Variants in TRANK1 observed in about 807,000 individuals in gnomAD.
The protein encoded by TRANK1 is TPR and ankyrin repeat-containing protein 1.
Under a neutral mutation model 266.0 loss-of-function variants are expected in TRANK1, and 198 were observed. That is an observed-to-expected ratio of 0.74 (90% confidence interval 0.66 to 0.84). The LOEUF (loss-of-function observed/expected upper bound fraction) is 0.84. TRANK1 is among the 40% of genes least tolerant of loss of function. TRANK1 has a pLI of 0.00. For missense variants in TRANK1, 3,326 were observed against 3,634.6 expected, an observed-to-expected ratio of 0.92 and a Z score of 2.18; for synonymous variants, 1,396 against 1,384.1, an observed-to-expected ratio of 1.01 and a Z score of -0.19.
intron 15 of TRANK1, among the ~76,000 whole-genome samples, chr3:36,848,095 T>C (rs2078939278): frequency 6.6e-6 from 1 of 152,224 alleles, no homozygotes; most frequent in Non-Finnish European, 1.5e-5. Context: ...TTGTTATCAT[T>C]GCGGGTCACA....
intron 20 of TRANK1, 69 bp from the exon 21 acceptor site, chr3:36,834,976 C>T (rs1360463517): frequency 7.2e-7 from 1 of 1,397,194 alleles, no homozygotes; most frequent in Non-Finnish European, 9.6e-7. Context: ...AAACCAATAC[C>T]ACAAGTAATA....
chr3:36,941,459 G>A (rs532942141), intron 1 of TRANK1, among the ~76,000 whole-genome samples: 30 of 152,292 alleles, frequency 2.0e-4, no homozygotes, highest in South Asian at 2.1e-4. Context: ...TCAGGTAAAC[G>A]GAGTCCAGGG....
At chr3:36,853,861 A>G (rs1318947243) in intron 13 of TRANK1, among the ~76,000 whole-genome samples, 2 of 152,222 alleles carry the variant, frequency 1.3e-5, no homozygotes, top group East Asian at 3.8e-4. Context: ...GAGTGGGAAG[A>G]AGGACACAAT....
intron 15 of TRANK1, among the ~76,000 whole-genome samples, chr3:36,848,948 A>C (rs977873194): frequency 6.6e-6 from 1 of 152,210 alleles, no homozygotes; most frequent in Admixed American, 6.5e-5. Flanking sequence ...CTCAGATGGC[A>C]CATGAATGGC....
At chr3:36,871,209 G>T (rs2079304067) in intron 9 of TRANK1, among the ~76,000 whole-genome samples, 1 of 152,028 alleles carries the variant, frequency 6.6e-6, no homozygotes, top group Non-Finnish European at 1.5e-5. Flanking sequence ...CCAACACGCT[G>T]AAACCCCGTC....
intron 1 of TRANK1, among the ~76,000 whole-genome samples, chr3:36,916,721 C>T (rs1559472132): frequency 6.6e-6 from 1 of 152,030 alleles, no homozygotes; most frequent in Non-Finnish European, 1.5e-5. Flanking sequence ...AAGAAATGAA[C>T]TCCAAGGCTT....
At chr3:36,940,287 G>A (rs1356359422) in intron 1 of TRANK1, among the ~76,000 whole-genome samples, 4 of 151,376 alleles carry the variant, frequency 2.6e-5, no homozygotes, top group Non-Finnish European at 4.4e-5. Flanking sequence ...CACGAGGTCA[G>A]GAGATCGAGA....
intron 12 of TRANK1, among the ~76,000 whole-genome samples, chr3:36,858,434 C>G (rs1417834414): frequency 1.3e-5 from 2 of 152,144 alleles, no homozygotes; most frequent in Non-Finnish European, 2.9e-5. Context: ...ATACGCAGAC[C>G]CTTGAAAATG....
intron 1 of TRANK1, among the ~76,000 whole-genome samples, chr3:36,924,779 GA>G (rs1575323859): frequency 6.6e-6 from 1 of 152,158 alleles, no homozygotes; most frequent in Non-Finnish European, 1.5e-5. Flanking sequence ...CTGAATAAAT[GA>G]AAAAAAGTCC....
At chr3:36,866,914 CAT>C (rs1480620265) in intron 9 of TRANK1, among the ~76,000 whole-genome samples, 1 of 152,182 alleles carries the variant, frequency 6.6e-6, no homozygotes, top group African/African-American at 2.4e-5. Context: ...ACACCAGAAA[CAT>C]ACACACATCC....
In TRANK1 at chr3:36,858,058, C is replaced by G. The variant is rs370386380; in HGVS notation, c.1673-9G>C. 1.3e-5 allele frequency: 20 copies of G among 1,522,228 alleles called. No individual in the cohort carries two copies. The Middle Eastern group carries it at 5.2e-4, about 40-fold the overall frequency. The allele number at this position is 1,522,228 out of a possible 1,614,324, so 94.3% of individuals were successfully genotyped here. ...GCTAAAACCAATGTCAGCTGAAAGA[C>G]ACAAACAAAACCCTGTGAGCACTGA... On this transcript the variant is annotated splice_polypyrimidine_tract_variant and intron_variant, in intron 12 of 23. Transcript: ENST00000645898.
intron 5 of TRANK1, among the ~76,000 whole-genome samples, chr3:36,893,747 GC>G (rs1021618843): frequency 1.2e-4 from 18 of 152,092 alleles, no homozygotes; most frequent in Non-Finnish European, 1.9e-4. Context: ...AGAATTCCCG[GC>G]TCTGTTATGA....
intron 8 of TRANK1, among the ~76,000 whole-genome samples, chr3:36,883,281 C>T (rs939023394): frequency 6.6e-6 from 1 of 151,620 alleles, no homozygotes; most frequent in Non-Finnish European, 1.5e-5. Context: ...TCTCTACCAA[C>T]AACAACAGCA....
intron 3 of TRANK1, among the ~76,000 whole-genome samples, chr3:36,900,847 G>A (rs574246245): frequency 0.022 from 227 of 10,150 alleles, 1 homozygote; most frequent in African/African-American, 0.065. Flanking sequence ...GCAAGACCCT[G>A]TCTCAAAAAA....
At position 36,831,433 on chromosome 3, in the gene TRANK1, G is replaced by T; in HGVS notation, c.8150C>A (p.Ala2717Asp). 6.2e-7 allele frequency: 1 copy of T among 1,612,904 alleles called. No homozygotes were observed. The highest frequency in any genetic ancestry group is 8.5e-7 in the Non-Finnish European group (1 of 1,179,466). ...ATILSQKQRK[A>D]SIQRKLRRAC... ...CCTCCTCAACTTCCGCTGTATGGAG[G>T]CCTTCCGTTGCTTTTGGGAAAGAAT... The change falls in exon 22 of 24, where the codon GCC becomes GAC. Residue 2717 changes from alanine (A) to aspartate (D), a missense_variant. Physicochemically the swap from Ala to Asp is moderately radical, Grantham distance 126. Transcript: ENST00000645898. This position sits in a 1 kb window ranked among gnomAD's most constrained non-coding sequence, Gnocchi z 5.0.
In TRANK1 at chr3:36,828,248, G is replaced by A; in HGVS notation, c.*27C>T. 1.3e-6 allele frequency: 2 copies of A among 1,525,728 alleles called. No individual in the cohort carries two copies. The highest frequency in any genetic ancestry group is 1.2e-5 in the South Asian group (1 of 86,382). The allele number at this position is 1,525,728 out of a possible 1,614,324, so 94.5% of individuals were successfully genotyped here. On this transcript the variant is annotated 3_prime_UTR_variant, in exon 24 of 24. Transcript: ENST00000645898. ...TAAGTCAGAATGGAATGTTCCGAAG[G>A]ATGAGGAGGCTGCAGCTGTGTGGAC...
At chr3:36,878,145 A>G (rs1446868633) in intron 8 of TRANK1, among the ~76,000 whole-genome samples, 1 of 152,220 alleles carries the variant, frequency 6.6e-6, no homozygotes, top group Non-Finnish European at 1.5e-5. Context: ...TCAGATAAGC[A>G]GCAGCATTAG....
At chr3:36,906,342 G>A (rs1268171884) in intron 2 of TRANK1, among the ~76,000 whole-genome samples, 2 of 152,138 alleles carry the variant, frequency 1.3e-5, no homozygotes, top group African/African-American at 2.4e-5. Flanking sequence ...ACATCTGCTC[G>A]CTCTACTGCA....
chr3:36,944,816 G>T lies in TRANK1; in HGVS notation c.-7C>A. ...CTGCCCGCGGGTCCCACATGGCTGC[G>T]GCCGGAGGGTCCGCACCAGGACCGC... On this transcript the variant is annotated 5_prime_UTR_variant, in exon 1 of 24. Coordinates refer to ENST00000645898, the MANE Select transcript of TRANK1 (RefSeq NM_001329998.2). 1 of 1,488,914 alleles carries T rather than the reference G, an allele frequency of 6.7e-7. No individual in the cohort carries two copies. Among genetic ancestry groups the T allele is most frequent in the Non-Finnish European group, 8.9e-7 (1 of 1,126,470 alleles). 92.2% of individuals were successfully genotyped at this position (1,488,914 alleles called of 1,614,324 possible).
Sources: allele counts gnomAD v4.1 joint callset (sites outside exome capture counted in the v4.1 genomes callset), GRCh38; gene constraint gnomAD v4.1.1; non-coding constraint Gnocchi (gnomAD v3.1); transcripts MANE v1.5; gene names NCBI Gene and HGNC (gene_info 2026-07-23, HGNC 2026-07-21).